Variants in APP observed in about 807,000 individuals in gnomAD.
APP encodes the protein amyloid-beta precursor protein.
Under a neutral mutation model 101.4 loss-of-function variants are expected in APP, and 31 were observed. That is an observed-to-expected ratio of 0.31 (90% confidence interval 0.23 to 0.41). The LOEUF (loss-of-function observed/expected upper bound fraction) is 0.41, where lower values mean the gene tolerates loss of function less well. APP is among the 10% of genes least tolerant of loss of function. The probability of loss-of-function intolerance (pLI) is 1.00; values close to 1 mark genes in which losing one functional copy is unlikely to be tolerated. For missense variants in APP, 839 were observed against 1,003.7 expected (o/e 0.84, Z 2.22); for synonymous variants, 366 against 364.4 (o/e 1.00, Z -0.05).
intron 1 of APP, among the ~76,000 whole-genome samples, chr21:26,139,775 C>A (rs771298813): frequency 6.6e-6 from 1 of 152,110 alleles, no homozygotes; most frequent in Non-Finnish European, 1.5e-5. Flanking sequence ...CACCTGTAGT[C>A]CCAGCTACTC....
chr21:25,886,293 C>T (rs1444226505), intron 17 of APP, among the ~76,000 whole-genome samples: 3 of 152,086 alleles, frequency 2.0e-5, no homozygotes, highest in African/African-American at 7.2e-5. Flanking sequence ...ATTTTGATGC[C>T]ATCTCTCTAT....
chr21:26,079,181 T>C (rs2061550589), intron 3 of APP, among the ~76,000 whole-genome samples: 1 of 151,988 alleles, frequency 6.6e-6, no homozygotes, highest in African/African-American at 2.4e-5. Flanking sequence ...TAGGGACTGA[T>C]GGAAACACAG....
At chr21:26,082,658 T>TC (rs1476750674) in intron 3 of APP, among the ~76,000 whole-genome samples, 4 of 152,174 alleles carry the variant, frequency 2.6e-5, no homozygotes, top group African/African-American at 9.7e-5. Flanking sequence ...AAAATACATC[T>TC]CCTTTCTTGC....
intron 7 of APP, 104 bp from the exon 8 acceptor site, chr21:25,997,520 A>C: frequency 9.9e-7 from 1 of 1,009,328 alleles, no homozygotes; most frequent in Non-Finnish European, 1.6e-6. Flanking sequence ...TAACAAACAA[A>C]ATCACTCACT....
At chr21:25,884,244 C>T (rs571112031) in intron 17 of APP, among the ~76,000 whole-genome samples, 1 of 152,278 alleles carries the variant, frequency 6.6e-6, no homozygotes, top group Non-Finnish European at 1.5e-5. Flanking sequence ...TCCCATCTAC[C>T]ACCCTGTGGC....
At position 26,032,805 on chromosome 21, in the gene APP, A is replaced by ATATATAT. The variant is rs1555851833; in HGVS notation, c.663-10764_663-10763insATATATA. Among the ~76,000 whole-genome samples the ATATATAT allele has an allele frequency of 1.3e-3, 158 of 124,466 alleles. No homozygotes were observed. In the East Asian group the frequency reaches 0.016, roughly 12 times the overall value. The allele number at this position is 124,466 out of a possible 152,430, so 81.7% of individuals were successfully genotyped here. A position where few individuals can be genotyped will look rare whatever the true frequency, so the allele number is the denominator to read the frequency against. On this transcript the variant is annotated intron_variant, in intron 5 of 17. Transcript: ENST00000346798. ...GGCTTATTATTTTAGAAAAAAAAAA[A>ATATATAT]ATATATATATATATATAAAGAGCTA...
intron 13 of APP, among the ~76,000 whole-genome samples, chr21:25,948,024 AAGTTCTTATGTCCAAATACTTAAG>A (rs1317513680): frequency 6.6e-6 from 1 of 151,512 alleles, no homozygotes; most frequent in East Asian, 1.9e-4. Flanking sequence ...AAAAAAAAAA[AAGTTCTTATGTCCAAATACTTAAG>A]TCAGCTGTAA....
chr21:26,032,803 A>ATATATATAT (rs1555851817), intron 5 of APP, among the ~76,000 whole-genome samples: 2 of 127,698 alleles, frequency 1.6e-5, no homozygotes, highest in African/African-American at 5.8e-5. Context: ...AGAAAAAAAA[A>ATATATATAT]AAATATATAT....
chr21:25,880,685 G>C lies in APP; in HGVS notation c.*985C>G, dbSNP rs915716708. ...GCCACTTCCATTTTCATCTTCTTTT[G>C]TATCATAAATGAAACTTCAGACTGG... On this transcript the variant is annotated 3_prime_UTR_variant, in exon 18 of 18. Transcript: ENST00000346798. 1 of 152,072 alleles carries C rather than the reference G, an allele frequency of 6.6e-6. No individual in the cohort carries two copies. Among genetic ancestry groups the C allele is most frequent in the South Asian group, 2.1e-4 (1 of 4,826 alleles). The allele number at this position is 152,072 out of a possible 1,614,324, so 9.4% of individuals were successfully genotyped here. A position where few individuals can be genotyped will look rare whatever the true frequency, so the allele number is the denominator to read the frequency against.
intron 1 of APP, among the ~76,000 whole-genome samples, chr21:26,129,151 A>T (rs890219286): frequency 6.6e-6 from 1 of 152,160 alleles, no homozygotes; most frequent in Non-Finnish European, 1.5e-5. Context: ...CAAGTCAAGA[A>T]TTTTATAAGG....
At chr21:26,095,137 C>T (rs2061913331) in intron 2 of APP, among the ~76,000 whole-genome samples, 2 of 152,172 alleles carry the variant, frequency 1.3e-5, no homozygotes, top group African/African-American at 4.8e-5. Flanking sequence ...AGCCACCGTG[C>T]CCGGCCTATA....
chr21:26,166,330 T>C (rs1185753768), intron 1 of APP, among the ~76,000 whole-genome samples: 2 of 136,738 alleles, frequency 1.5e-5, no homozygotes, highest in Non-Finnish European at 3.1e-5. Flanking sequence ...ATGAGGGTGT[T>C]ATCTGTACAC....
At chr21:25,921,520 A>G (rs1419976760) in intron 13 of APP, among the ~76,000 whole-genome samples, 3 of 148,978 alleles carry the variant, frequency 2.0e-5, no homozygotes, top group South Asian at 2.1e-4. Context: ...TCAAATAGAC[A>G]CGATAAAAAA....
chr21:25,917,129 C>T (rs1482467873), intron 13 of APP, among the ~76,000 whole-genome samples: 8 of 152,034 alleles, frequency 5.3e-5, no homozygotes, highest in Non-Finnish European at 1.2e-4. Flanking sequence ...TGCATGGTGG[C>T]GGACGCCTGT....
At chr21:25,950,196 T>A (rs1023711465) in intron 13 of APP, among the ~76,000 whole-genome samples, 2 of 152,154 alleles carry the variant, frequency 1.3e-5, no homozygotes, top group African/African-American at 4.8e-5. Context: ...AGAAAGAATG[T>A]GACCATCAGC....
rs886056998 is a variant in APP, at chr21:26,170,752, C to A, written c.-132G>T. ...CGCTCCTCCGCGTGCTCTCGCCTACCGCTGCCGAGGAAACTGACGGAGCCC... is the reference window on the plus strand; with the variant it reads ...CGCTCCTCCGCGTGCTCTCGCCTACAGCTGCCGAGGAAACTGACGGAGCCC... On this transcript the variant is annotated 5_prime_UTR_variant, in exon 1 of 18. Coordinates refer to ENST00000346798, the MANE Select transcript of APP (RefSeq NM_000484.4). 1.8e-4 allele frequency: 179 copies of A among 990,742 alleles called. No individual in the cohort carries two copies. The highest frequency in any genetic ancestry group is 5.0e-4 in the South Asian group (26 of 51,592). 61.4% of individuals were successfully genotyped at this position (990,742 alleles called of 1,614,324 possible).
intron 11 of APP, among the ~76,000 whole-genome samples, chr21:25,956,738 G>A (rs1260714539): frequency 6.6e-6 from 1 of 152,132 alleles, no homozygotes; most frequent in Non-Finnish European, 1.5e-5. Context: ...GGTGGGGCGG[G>A]TGGTAATGGA....
At chr21:26,169,988 C>A (rs772547721) in intron 1 of APP, among the ~76,000 whole-genome samples, 1 of 152,112 alleles carries the variant, frequency 6.6e-6, no homozygotes, top group East Asian at 1.9e-4. Flanking sequence ...CGCCAGCAGC[C>A]GCGAAAAGAG....
chr21:26,084,527 C>T (rs964385032), intron 3 of APP, among the ~76,000 whole-genome samples: 1 of 35,944 alleles, frequency 2.8e-5, no homozygotes, highest in African/African-American at 1.2e-4. Flanking sequence ...GCGTGAGCAC[C>T]GCGCCCGGCC....
Sources: allele counts gnomAD v4.1 joint callset (sites outside exome capture counted in the v4.1 genomes callset), GRCh38; gene constraint gnomAD v4.1.1; transcripts MANE v1.5; gene names NCBI Gene and HGNC (gene_info 2026-07-23, HGNC 2026-07-21).